Variants in BRINP1 observed in about 807,000 individuals in gnomAD.
The protein encoded by BRINP1 is BMP/retinoic acid-inducible neural-specific protein 1.
BRINP1 carries 17 observed loss-of-function variants against 72.9 expected under a neutral mutation model. The observed-to-expected ratio is 0.23, with a 90% CI of 0.16 to 0.35. The LOEUF is 0.35. Among genes scored for constraint, BRINP1 ranks in the 10% least tolerant of loss-of-function variants. BRINP1 has a pLI of 1.00. For synonymous variants in BRINP1, 418 were observed against 378.5 expected (o/e 1.10, Z -1.21); for missense variants, 850 against 1,001.6 (o/e 0.85, Z 2.04).
chr9:119,325,369 T>C (rs1447030426), intron 1 of BRINP1, among the ~76,000 whole-genome samples: 3 of 152,176 alleles, frequency 2.0e-5, no homozygotes, highest in Non-Finnish European at 2.9e-5. Context: ...AAATCATGCC[T>C]GTGAGAAGCT....
chr9:119,246,973 A>G (rs1015223903), intron 3 of BRINP1, among the ~76,000 whole-genome samples: 9 of 152,362 alleles, frequency 5.9e-5, no homozygotes, highest in African/African-American at 2.2e-4. Flanking sequence ...GGAGAGGAAC[A>G]AGGCTCTGTG....
chr9:119,265,322 A>G (rs1830536590), intron 2 of BRINP1, among the ~76,000 whole-genome samples: 1 of 152,054 alleles, frequency 6.6e-6, no homozygotes, highest in Non-Finnish European at 1.5e-5. Context: ...CCTCAAGGCC[A>G]GGCATGGTGG....
intron 1 of BRINP1, among the ~76,000 whole-genome samples, chr9:119,342,881 A>G (rs1831418359): frequency 6.6e-6 from 1 of 152,248 alleles, no homozygotes; most frequent in Non-Finnish European, 1.5e-5. Flanking sequence ...GAACTGAGGC[A>G]TCCCCCAGTT....
chr9:119,208,277 T>A (rs186078172), intron 7 of BRINP1, among the ~76,000 whole-genome samples: 10 of 152,342 alleles, frequency 6.6e-5, no homozygotes, highest in Non-Finnish European at 8.8e-5. Flanking sequence ...TGTCACTCAC[T>A]CCTGGCTCTG....
chr9:119,337,060 G>A (rs1831353788), intron 1 of BRINP1, among the ~76,000 whole-genome samples: 1 of 152,102 alleles, frequency 6.6e-6, no homozygotes, highest in African/African-American at 2.4e-5. Context: ...TCTCTCATCT[G>A]ACTGGACCAG....
At chr9:119,260,842 A>G (rs1830488196) in intron 2 of BRINP1, among the ~76,000 whole-genome samples, 1 of 152,138 alleles carries the variant, frequency 6.6e-6, no homozygotes. Flanking sequence ...GGGGTCGTCT[A>G]AAGTATTCTT....
At chr9:119,234,554 A>G (rs1314098813) in intron 5 of BRINP1, among the ~76,000 whole-genome samples, 2 of 152,154 alleles carry the variant, frequency 1.3e-5, no homozygotes, top group East Asian at 3.8e-4. Flanking sequence ...TGTATTACAA[A>G]TATTTTCTTC....
At position 119,180,247 on chromosome 9, in the gene BRINP1, A is replaced by C. The variant is rs59995931; in HGVS notation, c.1146-12023T>G. On this transcript the variant is annotated intron_variant, in intron 7 of 7. Transcript: ENST00000265922. ...ACCAGGAGTGTGTATTTAAAAGTAC[A>C]GAGGAAATGGAAAAAAATGAAATTG... 7.2e-3 allele frequency among the ~76,000 whole-genome samples: 1,094 copies of C among 152,352 alleles called. 8 individuals carry two copies. The highest frequency in any genetic ancestry group is 0.021 in the African/African-American group (880 of 41,574).
intron 1 of BRINP1, among the ~76,000 whole-genome samples, chr9:119,334,145 TC>T (rs533709489): frequency 1.3e-5 from 2 of 152,136 alleles, no homozygotes; most frequent in Non-Finnish European, 2.9e-5. Flanking sequence ...CTGAAAGAGA[TC>T]CTTTGCCTCA....
intron 2 of BRINP1, among the ~76,000 whole-genome samples, chr9:119,296,511 T>C (rs1320977647): frequency 2.0e-5 from 3 of 152,178 alleles, no homozygotes; most frequent in Non-Finnish European, 4.4e-5. Context: ...ATCCCACTTA[T>C]AGGTATTTAT....
At chr9:119,338,230 G>A (rs1034166143) in intron 1 of BRINP1, among the ~76,000 whole-genome samples, 8 of 59,302 alleles carry the variant, frequency 1.3e-4, no homozygotes, top group Non-Finnish European at 2.0e-4. Flanking sequence ...TGAGGTTTTT[G>A]TTTTTGTTTT....
chr9:119,249,486 T>A (rs1240633435), intron 2 of BRINP1, among the ~76,000 whole-genome samples: 1 of 152,096 alleles, frequency 6.6e-6, no homozygotes, highest in African/African-American at 2.4e-5. Flanking sequence ...CAAATAATAA[T>A]CTGATGATAA....
intron 3 of BRINP1, among the ~76,000 whole-genome samples, chr9:119,243,036 C>A (rs1830273542): frequency 6.6e-6 from 1 of 151,232 alleles, no homozygotes; most frequent in Non-Finnish European, 1.5e-5. Context: ...AAACCTGAAG[C>A]TACATTATCA....
intron 1 of BRINP1, among the ~76,000 whole-genome samples, chr9:119,316,585 G>T (rs949778085): frequency 6.6e-6 from 1 of 152,014 alleles, no homozygotes; most frequent in Non-Finnish European, 1.5e-5. Flanking sequence ...GCCCTTAAGA[G>T]TATGCTAAAT....
rs139660585 is a variant in BRINP1 at position 119,185,666 on chromosome 9, A to G, written c.1146-17442T>C. Among the ~76,000 whole-genome samples, 3 of 152,308 alleles carry G rather than the reference A, an allele frequency of 2.0e-5. No individual in the cohort carries two copies. In the East Asian group the frequency reaches 5.8e-4, roughly 29 times the overall value. ...GCAGGATGACTCTATAGAGAAGGAA[A>G]CAAAACATCTTGTCTCTGCTACCTC... On this transcript the variant is annotated intron_variant, in intron 7 of 7. Transcript: ENST00000265922.
intron 1 of BRINP1, among the ~76,000 whole-genome samples, chr9:119,335,273 C>G (rs1318178749): frequency 6.6e-6 from 1 of 152,154 alleles, no homozygotes; most frequent in Non-Finnish European, 1.5e-5. Flanking sequence ...GTCAGGAGGC[C>G]TGAGCTCAGG....
At chr9:119,239,865 A>G (rs1440345191) in intron 4 of BRINP1, among the ~76,000 whole-genome samples, 1 of 152,096 alleles carries the variant, frequency 6.6e-6, no homozygotes, top group African/African-American at 2.4e-5. Context: ...AAATAATAAC[A>G]TATTTATTAT....
chr9:119,177,586 A>G (rs752746319), intron 7 of BRINP1, among the ~76,000 whole-genome samples: 6 of 152,126 alleles, frequency 3.9e-5, no homozygotes, highest in East Asian at 1.9e-4. Flanking sequence ...AAGGCATTCT[A>G]TAACCCCGTA....
At chr9:119,313,834 G>C (rs928922364) in intron 1 of BRINP1, among the ~76,000 whole-genome samples, 1 of 152,116 alleles carries the variant, frequency 6.6e-6, no homozygotes, top group African/African-American at 2.4e-5. Flanking sequence ...AAGAGACATA[G>C]GGACACAATT....
Sources: gnomAD v4.1 joint callset for allele counts (sites outside exome capture counted in the v4.1 genomes callset) on GRCh38, gnomAD v4.1.1 for gene constraint, MANE v1.5 for transcripts, NCBI Gene and HGNC (gene_info 2026-07-23, HGNC 2026-07-21) for gene names.